The following GALNTL6 variants were observed in gnomAD, a reference collection of about 807,000 sequenced individuals.
GALNTL6 encodes the protein polypeptide N-acetylgalactosaminyltransferase-like 6.
In GALNTL6, 46 loss-of-function variants were observed where a neutral mutation model predicts 73.7. The ratio of observed to expected loss-of-function variants is 0.62; its 90% CI spans 0.49 to 0.80. GALNTL6 has a LOEUF of 0.80. Among genes scored for constraint, GALNTL6 ranks in the 30% least tolerant of loss-of-function variants. The pLI is 0.00. For synonymous variants in GALNTL6, 259 were observed against 263.7 expected (o/e 0.98, Z 0.17); for missense variants, 604 against 755.0 (o/e 0.80, Z 2.34).
chr4:172,856,514 A>G (rs1206842903), intron 7 of GALNTL6, among the ~76,000 whole-genome samples: 3 of 152,202 alleles, frequency 2.0e-5, no homozygotes, highest in Non-Finnish European at 2.9e-5. Context: ...AGAAAACACA[A>G]GAAGTCAGGG....
intron 5 of GALNTL6, among the ~76,000 whole-genome samples, chr4:172,638,699 T>A (rs1284222791): frequency 6.6e-6 from 1 of 152,206 alleles, no homozygotes; most frequent in Non-Finnish European, 1.5e-5. Flanking sequence ...AAATTAAGAT[T>A]GGTGCAACAC....
intron 5 of GALNTL6, among the ~76,000 whole-genome samples, chr4:172,652,554 G>C (rs896726293): frequency 1.3e-5 from 2 of 152,158 alleles, no homozygotes; most frequent in Non-Finnish European, 2.9e-5. Context: ...GTGGACACAG[G>C]CATGCCCTAG....
chr4:172,609,598 G>GTT (rs1560833912), intron 5 of GALNTL6, among the ~76,000 whole-genome samples: 7 of 116,328 alleles, frequency 6.0e-5, no homozygotes, highest in South Asian at 5.7e-4. Flanking sequence ...TTGGCCTGAA[G>GTT]TTTTCTCTCT....
chr4:172,642,970 G>T (rs1740059323), intron 5 of GALNTL6, among the ~76,000 whole-genome samples: 1 of 151,646 alleles, frequency 6.6e-6, no homozygotes, highest in South Asian at 2.1e-4. Flanking sequence ...TATAATTTCT[G>T]TTGTCTATTC....
chr4:172,376,734 C>T (rs1010245408), intron 5 of GALNTL6, among the ~76,000 whole-genome samples: 9 of 152,062 alleles, frequency 5.9e-5, no homozygotes, highest in South Asian at 4.1e-4. Flanking sequence ...CACCGCTTGG[C>T]GATAGGCAAT....
chr4:172,477,717 A>T (rs1733290042), intron 5 of GALNTL6, among the ~76,000 whole-genome samples: 1 of 152,160 alleles, frequency 6.6e-6, no homozygotes, highest in Non-Finnish European at 1.5e-5. Flanking sequence ...GTAAACAATT[A>T]CATTTATTTT....
chr4:171,901,023 A>T (rs140492125), intron 2 of GALNTL6, among the ~76,000 whole-genome samples: 1 of 152,296 alleles, frequency 6.6e-6, no homozygotes. Flanking sequence ...ACTGATAATA[A>T]AGGAAGACAA....
intron 2 of GALNTL6, among the ~76,000 whole-genome samples, chr4:171,959,917 G>A (rs1051223555): frequency 2.0e-5 from 3 of 152,128 alleles, no homozygotes; most frequent in African/African-American, 7.2e-5. Context: ...ATATTTTTTA[G>A]TCAGAGCTTA....
At chr4:171,840,818 C>T (rs1735222019) in intron 2 of GALNTL6, among the ~76,000 whole-genome samples, 1 of 152,140 alleles carries the variant, frequency 6.6e-6, no homozygotes, top group African/African-American at 2.4e-5. Context: ...TCTGAACCAT[C>T]TTAATTCCTC....
chr4:171,939,857 C>T (rs1027470584), intron 2 of GALNTL6, among the ~76,000 whole-genome samples: 6 of 151,978 alleles, frequency 3.9e-5, no homozygotes, highest in African/African-American at 1.4e-4. Context: ...TACAAGTTTA[C>T]ATGCCTGAAA....
At chr4:171,959,954 C>A (rs1039613885) in intron 2 of GALNTL6, among the ~76,000 whole-genome samples, 1 of 152,166 alleles carries the variant, frequency 6.6e-6, no homozygotes, top group Non-Finnish European at 1.5e-5. Flanking sequence ...AGTAAAGCAA[C>A]CACAAAATAA....
intron 2 of GALNTL6, among the ~76,000 whole-genome samples, chr4:171,967,457 T>TTTGTTTTTG (rs1579015265): frequency 9.5e-6 from 1 of 105,246 alleles, no homozygotes; most frequent in East Asian, 3.1e-4. Context: ...GTTTTTTTTT[T>TTTGTTTTTG]TTTTTTTTGT....
chr4:171,971,759 C>G (rs540277207), intron 2 of GALNTL6, among the ~76,000 whole-genome samples: 2 of 152,078 alleles, frequency 1.3e-5, no homozygotes, highest in African/African-American at 4.8e-5. Context: ...GATATGTAAC[C>G]AAAAATTGTT....
At chr4:173,012,368 G>C (rs369929607) in intron 11 of GALNTL6, among the ~76,000 whole-genome samples, 4 of 152,058 alleles carry the variant, frequency 2.6e-5, no homozygotes, top group Non-Finnish European at 5.9e-5. Context: ...CCTCTACCAC[G>C]CATTACAATG....
intron 9 of GALNTL6, among the ~76,000 whole-genome samples, chr4:172,934,864 AAAG>A (rs1705395765): frequency 6.6e-6 from 1 of 152,134 alleles, no homozygotes; most frequent in African/African-American, 2.4e-5. Flanking sequence ...GAAGAATCTC[AAAG>A]AAGAGATTCT....
At chr4:172,031,641 G>T (rs1741774332) in intron 2 of GALNTL6, among the ~76,000 whole-genome samples, 1 of 151,916 alleles carries the variant, frequency 6.6e-6, no homozygotes, top group Non-Finnish European at 1.5e-5. Context: ...TTAGTACGTT[G>T]TACCTATTGC....
At chr4:172,727,087 AT>A (rs1372331158) in intron 5 of GALNTL6, among the ~76,000 whole-genome samples, 4 of 152,210 alleles carry the variant, frequency 2.6e-5, no homozygotes, top group South Asian at 4.1e-4. Flanking sequence ...AACAATGAAT[AT>A]TTTTCTACCT....
At chr4:171,888,912 G>A (rs190599753) in intron 2 of GALNTL6, among the ~76,000 whole-genome samples, 36 of 152,122 alleles carry the variant, frequency 2.4e-4, no homozygotes, top group Non-Finnish European at 1.6e-4. Flanking sequence ...GACCAAACAC[G>A]TTCTATGATT....
intron 2 of GALNTL6, among the ~76,000 whole-genome samples, chr4:172,148,255 C>T (rs1733980200): frequency 6.6e-6 from 1 of 151,976 alleles, no homozygotes; most frequent in Non-Finnish European, 1.5e-5. Flanking sequence ...TTTAAATTTG[C>T]TGATATGTAG....
Sources: allele counts gnomAD v4.1 joint callset (sites outside exome capture counted in the v4.1 genomes callset), GRCh38; gene constraint gnomAD v4.1.1; transcripts MANE v1.5; gene names NCBI Gene and HGNC (gene_info 2026-07-23, HGNC 2026-07-21).